VTI1A: variants seen among roughly 807,000 people sequenced by gnomAD.
VTI1A encodes vesicle transport through interaction with t-SNAREs 1A.
VTI1A carries 22 observed loss-of-function variants against 34.9 expected under a neutral mutation model. The ratio of observed to expected loss-of-function variants is 0.63; its 90% CI spans 0.45 to 0.90. The LOEUF is 0.90. Among genes scored for constraint, VTI1A ranks in the 40% least tolerant of loss-of-function variants. The pLI, the probability that VTI1A is intolerant of heterozygous loss-of-function variation, is 0.00. For missense variants in VTI1A, 268 were observed against 275.6 expected (o/e 0.97, Z 0.20); for synonymous variants, 87 against 97.3 (o/e 0.89, Z 0.62).
chr10:112,500,197 G>A (rs1478750327), intron 3 of VTI1A, among the ~76,000 whole-genome samples: 4 of 152,174 alleles, frequency 2.6e-5, no homozygotes, highest in Non-Finnish European at 4.4e-5. Context: ...AGCACTTTGG[G>A]AGGCCAAGGT....
intron 7 of VTI1A, chr10:112,736,679 A>C: frequency 6.4e-7 from 1 of 1,551,412 alleles, no homozygotes; most frequent in Non-Finnish European, 8.7e-7. Flanking sequence ...GCAATGAGGG[A>C]TGGTGAGAAA....
intron 5 of VTI1A, among the ~76,000 whole-genome samples, chr10:112,557,079 AT>A (rs1431003739): frequency 2.0e-5 from 3 of 151,828 alleles, no homozygotes; most frequent in Non-Finnish European, 4.4e-5. Flanking sequence ...TATATTAAGT[AT>A]TTTTTTTCTT....
intron 5 of VTI1A, among the ~76,000 whole-genome samples, chr10:112,568,481 T>A (rs1218299287): frequency 6.6e-6 from 1 of 151,610 alleles, no homozygotes. Flanking sequence ...CACTACAGCC[T>A]GGGCAAAAAA....
chr10:112,829,079 G>T, the VTI1A span, among the ~76,000 whole-genome samples: 117 of 152,208 alleles, frequency 7.7e-4, no homozygotes, highest in African/African-American at 2.7e-3. Flanking sequence ...GCTGGTTTGA[G>T]CCTACCTAAT....
chr10:112,606,504 A>AT (rs1845090909), intron 5 of VTI1A, among the ~76,000 whole-genome samples: 1 of 152,214 alleles, frequency 6.6e-6, no homozygotes, highest in Non-Finnish European at 1.5e-5. Context: ...ACCATAAGAC[A>AT]GTTATGAGCT....
At chr10:112,581,374 C>G (rs1843929267) in intron 5 of VTI1A, among the ~76,000 whole-genome samples, 3 of 152,176 alleles carry the variant, frequency 2.0e-5, no homozygotes, top group Admixed American at 2.0e-4. Context: ...TAAATTATCT[C>G]TGTTACAAGG....
At chr10:112,458,371 G>A (rs1249235959) in intron 1 of VTI1A, among the ~76,000 whole-genome samples, 1 of 152,090 alleles carries the variant, frequency 6.6e-6, no homozygotes, top group Admixed American at 6.6e-5. Flanking sequence ...ATACTAAAAG[G>A]GTTGAAATGT....
chr10:112,720,942 A>G (rs1029499994), intron 7 of VTI1A, among the ~76,000 whole-genome samples: 3 of 151,942 alleles, frequency 2.0e-5, no homozygotes, highest in African/African-American at 7.3e-5. Context: ...CTTTGCCACT[A>G]GGTTCTCACT....
At chr10:112,532,015 CGAT>C (rs1179629264) in intron 4 of VTI1A, among the ~76,000 whole-genome samples, 1 of 152,052 alleles carries the variant, frequency 6.6e-6, no homozygotes, top group Non-Finnish European at 1.5e-5. Context: ...TATTTTGAAA[CGAT>C]GATAATAAAG....
chr10:112,665,676 T>C (rs1847617286), intron 5 of VTI1A, among the ~76,000 whole-genome samples: 1 of 152,162 alleles, frequency 6.6e-6, no homozygotes, highest in African/African-American at 2.4e-5. Flanking sequence ...AGTAGAGTTT[T>C]CCCCTCGGCG....
intron 7 of VTI1A, among the ~76,000 whole-genome samples, chr10:112,723,062 C>T (rs1849868084): frequency 6.6e-6 from 1 of 152,178 alleles, no homozygotes; most frequent in Non-Finnish European, 1.5e-5. Context: ...CACTCTGTGC[C>T]TCAAGTTCTT....
chr10:112,447,833 A>T (rs115448968), intron 1 of VTI1A, among the ~76,000 whole-genome samples: 1 of 152,220 alleles, frequency 6.6e-6, no homozygotes, highest in African/African-American at 2.4e-5. Context: ...TGGATCTACA[A>T]TCTACAGCGG....
intron 7 of VTI1A, among the ~76,000 whole-genome samples, chr10:112,687,891 C>T (rs1236667446): frequency 6.6e-6 from 1 of 151,750 alleles, no homozygotes; most frequent in African/African-American, 2.4e-5. Flanking sequence ...ATGGGCACAG[C>T]CCTACAGACA....
chr10:112,806,544 C>A (rs1853086812), intron 7 of VTI1A, among the ~76,000 whole-genome samples: 2 of 151,800 alleles, frequency 1.3e-5, no homozygotes, highest in African/African-American at 4.8e-5. Context: ...CCTCCGCCTC[C>A]CAAAGTGCTG....
chr10:112,736,425 G>C (rs899226354), intron 7 of VTI1A, among the ~76,000 whole-genome samples: 2 of 152,190 alleles, frequency 1.3e-5, no homozygotes, highest in Non-Finnish European at 2.9e-5. Context: ...TGCCCGGCAC[G>C]TAGTAAGTTT....
chr10:112,828,962 C>T, the VTI1A span, among the ~76,000 whole-genome samples: 3 of 152,134 alleles, frequency 2.0e-5, no homozygotes, highest in East Asian at 5.8e-4. Flanking sequence ...TTCCCCAGAG[C>T]CCAAGGGTAC....
chr10:112,546,137 A>G (rs200513644), intron 5 of VTI1A, among the ~76,000 whole-genome samples: 12 of 109,448 alleles, frequency 1.1e-4, no homozygotes, highest in East Asian at 7.9e-4. Flanking sequence ...TTGCATATAT[A>G]TGTGTGTGCG....
intron 7 of VTI1A, among the ~76,000 whole-genome samples, chr10:112,719,269 T>C (rs539957946): frequency 6.6e-6 from 1 of 152,184 alleles, no homozygotes; most frequent in Non-Finnish European, 1.5e-5. Flanking sequence ...ATCTCCTCCT[T>C]GAAAAATGAT....
chr10:112,783,525 C>T (rs1035203706), intron 7 of VTI1A, among the ~76,000 whole-genome samples: 3 of 152,122 alleles, frequency 2.0e-5, no homozygotes, highest in Admixed American at 2.0e-4. Context: ...GAATTATGGA[C>T]CCTAATGAGA....
Sources: allele counts gnomAD v4.1 joint callset (sites outside exome capture counted in the v4.1 genomes callset), GRCh38; gene constraint gnomAD v4.1.1; transcripts MANE v1.5; gene names NCBI Gene and HGNC (gene_info 2026-07-23, HGNC 2026-07-21).